BRME1: variants seen among roughly 807,000 people sequenced by gnomAD.
The protein encoded by BRME1 is break repair meiotic recombinase recruitment factor 1.
A neutral mutation model predicts 52.6 loss-of-function variants in BRME1; 31 were observed. The observed-to-expected ratio is 0.59, with a 90% CI of 0.44 to 0.80. The LOEUF (loss-of-function observed/expected upper bound fraction) is 0.80. Ranked by LOEUF, BRME1 falls within the 30% of genes least tolerant of loss-of-function variation. The pLI, the probability that BRME1 is intolerant of heterozygous loss-of-function variation, is 0.00. For synonymous variants in BRME1, 359 were observed against 353.6 expected (o/e 1.02, Z -0.17); for missense variants, 804 against 860.3 (o/e 0.93, Z 0.82).
At chr19:13,896,644 A>G (rs1301386256) in intron 2 of BRME1, among the ~76,000 whole-genome samples, 1 of 147,432 alleles carries the variant, frequency 6.8e-6, no homozygotes, top group Non-Finnish European at 1.5e-5. Flanking sequence ...ATGTATTTAT[A>G]CATACGTATT....
intron 2 of BRME1, among the ~76,000 whole-genome samples, chr19:13,899,708 C>T (rs1185867877): frequency 6.6e-6 from 1 of 152,148 alleles, no homozygotes; most frequent in Non-Finnish European, 1.5e-5. Flanking sequence ...TATAGAAACA[C>T]ATTCCTAACC....
At position 13,890,088 on chromosome 19, in the gene BRME1, C is replaced by G; in HGVS notation, c.768G>C (p.Gly256=). ...GGCCAGCCCCTGCTGTCCTTTGGGC[C>G]CCTCCCTCCTGGGGGGCTCCTCTGT... ...KPDRGAPQEG[G]AQRTAGAGLP... The change falls in exon 6 of 9, where the codon GGG becomes GGC. Residue 256 remains glycine, a synonymous_variant. Coordinates refer to ENST00000586783, the MANE Select transcript of BRME1 (RefSeq NM_001345843.2). 1 of 1,613,820 alleles carries G rather than the reference C, an allele frequency of 6.2e-7. No individual in the cohort carries two copies. The highest frequency in any genetic ancestry group is 8.5e-7 in the Non-Finnish European group (1 of 1,179,884).
chr19:13,892,178 T>C (rs1395088706), intron 5 of BRME1, among the ~76,000 whole-genome samples: 2 of 152,180 alleles, frequency 1.3e-5, no homozygotes, highest in Non-Finnish European at 2.9e-5. Flanking sequence ...CCACTGCACC[T>C]GGCCAATTGC....
At chr19:13,891,135 T>TTTTTTTTTTTATTATTATTATTA (rs59151567) in intron 5 of BRME1, among the ~76,000 whole-genome samples, 7 of 146,630 alleles carry the variant, frequency 4.8e-5, no homozygotes, top group African/African-American at 1.8e-4. Context: ...CAATTTCCTG[T>TTTTTTTTTTTATTATTATTATTA]TTATTATTAT....
rs760177608 is a variant in BRME1 at position 13,890,310 on chromosome 19, C to T, written c.546G>A (p.Ala182=). ...GCTGAGAATCCCCACTGCCGGGCACCGCCTGCACAGGGCTCTGGCTGCTCT... is the reference window on the plus strand; with the variant it reads ...GCTGAGAATCCCCACTGCCGGGCACTGCCTGCACAGGGCTCTGGCTGCTCT... ...PEQSSQSPVQ[A]VPGSGDSQPD... The change falls in exon 6 of 9, where the codon GCG becomes GCA. Residue 182 remains alanine (A), a synonymous_variant. Transcript: ENST00000586783. 1.7e-5 allele frequency: 28 copies of T among 1,607,528 alleles called. No homozygotes were observed. Among genetic ancestry groups the T allele is most frequent in the African/African-American group, 4.0e-5 (3 of 74,986 alleles).
At chr19:13,894,740 G>A (rs867990070) in intron 3 of BRME1, among the ~76,000 whole-genome samples, 1 of 151,964 alleles carries the variant, frequency 6.6e-6, no homozygotes, top group South Asian at 2.1e-4. Context: ...TTTATTGGTC[G>A]TTAGCTCACA....
In BRME1 at chr19:13,885,696, G is replaced by A. The variant is rs190544860; in HGVS notation, c.1763+265C>T. 1.3e-3 allele frequency among the ~76,000 whole-genome samples: 196 copies of A among 152,336 alleles called. 1 individual carries two copies. The highest frequency in any genetic ancestry group is 4.5e-3 in the African/African-American group (186 of 41,578). The stretch of plus-strand genomic sequence containing the variant: ...CCAGAGAGAAAGAGCCCACAGAGCC[G>A]GAGGCACTGTCCCAGGGCTCCTGGG... On this transcript the variant is annotated intron_variant, in intron 7 of 8. Coordinates refer to ENST00000586783, the MANE Select transcript of BRME1 (RefSeq NM_001345843.2).
chr19:13,883,366 T>G lies in BRME1; in HGVS notation c.1798A>C (p.Arg600=). 1.3e-6 allele frequency: 2 copies of G among 1,535,300 alleles called. No individual in the cohort carries two copies. The highest frequency in any genetic ancestry group is 1.7e-6 in the Non-Finnish European group (2 of 1,146,216). The change falls in exon 8 of 9, where the codon AGG becomes CGG. Residue 600 remains arginine, a synonymous_variant. Transcript: ENST00000586783. This position sits in a 1 kb window ranked among gnomAD's most constrained non-coding sequence, Gnocchi z 4.2. ...ACGACGTTGGTGGCATCCTCCATCC[T>G]GGAGGCCTCAGAGGCCTGGATCCCC... The part of the protein sequence containing the change: ...FVGIQASEAS[R]MEDATNVVRG...
chr19:13,898,793 C>A (rs539206402), intron 2 of BRME1, among the ~76,000 whole-genome samples: 3 of 147,494 alleles, frequency 2.0e-5, no homozygotes, highest in Non-Finnish European at 3.0e-5. Flanking sequence ...CATGGTGGCT[C>A]ATGCCTGTAA....
intron 2 of BRME1, among the ~76,000 whole-genome samples, chr19:13,896,936 G>T (rs1331520746): frequency 6.6e-6 from 1 of 151,834 alleles, no homozygotes; most frequent in African/African-American, 2.4e-5. Context: ...GCGCTCAAGT[G>T]ATCCTCTTGT....
chr19:13,882,837 T>A lies in BRME1; in HGVS notation c.1972A>T (p.Ile658Phe). ...LPYPSKGPGN[I>F]PRGDPPWREL ...CTCCAGGGTGGGTCCCCTCGAGGGA[T>A]ATTCCCAGGCCCCTTGGAAGGGTAA... is the stretch of plus-strand genomic sequence containing the variant. The change falls in exon 9 of 9, where the codon ATC (isoleucine) becomes TTC (phenylalanine). Residue 658 changes from isoleucine (I) to phenylalanine (F), a missense_variant. Ile to Phe is a conservative substitution (Grantham distance 21). Coordinates refer to ENST00000586783, the MANE Select transcript of BRME1 (RefSeq NM_001345843.2). 1 of 1,613,800 alleles carries A rather than the reference T, an allele frequency of 6.2e-7. No homozygotes were observed. Among genetic ancestry groups the A allele is most frequent in the Non-Finnish European group, 8.5e-7 (1 of 1,179,940 alleles).
chr19:13,902,601 G>T (rs895804798), intron 2 of BRME1, among the ~76,000 whole-genome samples: 2 of 147,954 alleles, frequency 1.4e-5, no homozygotes, highest in African/African-American at 5.0e-5. Context: ...GCGCCAGCCT[G>T]GGCAACAAGA....
intron 2 of BRME1, among the ~76,000 whole-genome samples, chr19:13,902,242 T>C (rs8103766): frequency 0.34 from 51,726 of 151,454 alleles, 11,949 homozygotes; most frequent in African/African-American, 0.66. Flanking sequence ...AGGAGGCTGA[T>C]GCAAGAGAAT....
Position 13,883,293 on chromosome 19 carries a change from A to G in BRME1, c.1856+15T>C. On this transcript the variant is annotated intron_variant, in intron 8 of 8. Transcript: ENST00000586783. The surrounding 1 kb of genome is among the most constrained non-coding windows in gnomAD (Gnocchi z 4.2). ...CCCGCAGACCCTGTGCCGTGAGTCC[A>G]AGCCCACCCCGTACTTCAGGTTGGA... 2.0e-6 allele frequency: 3 copies of G among 1,529,216 alleles called. No homozygotes were observed. The highest frequency in any genetic ancestry group is 2.6e-6 in the Non-Finnish European group (3 of 1,141,264). The allele number at this position is 1,529,216 out of a possible 1,614,324, so 94.7% of individuals were successfully genotyped here. A position where few individuals can be genotyped will look rare whatever the true frequency, so the allele number is the denominator to read the frequency against.
chr19:13,903,078 A>G (rs987317065), intron 2 of BRME1, among the ~76,000 whole-genome samples: 2 of 152,144 alleles, frequency 1.3e-5, no homozygotes, highest in East Asian at 3.8e-4. Flanking sequence ...TCTCTGAATT[A>G]TTTTTGCAAC....
At position 13,882,672 on chromosome 19, in the gene BRME1, C is replaced by A; in HGVS notation, c.*130G>T. 8.0e-7 allele frequency: 1 copy of A among 1,255,596 alleles called. No individual in the cohort carries two copies. Among genetic ancestry groups the A allele is most frequent in the Non-Finnish European group, 1.1e-6 (1 of 890,208 alleles). The allele number at this position is 1,255,596 out of a possible 1,614,324, so 77.8% of individuals were successfully genotyped here. A position where few individuals can be genotyped will look rare whatever the true frequency, so the allele number is the denominator to read the frequency against. On this transcript the variant is annotated 3_prime_UTR_variant, in exon 9 of 9. Coordinates refer to ENST00000586783, the MANE Select transcript of BRME1 (RefSeq NM_001345843.2). Reference sequence around the variant, plus strand: ...GACCTCACGGCCTCCTTTGTGTTGTCCATGGAAGACCAACTTCCGGGCAAC... The same window carrying A: ...GACCTCACGGCCTCCTTTGTGTTGTACATGGAAGACCAACTTCCGGGCAAC...
rs1026437176 is a variant in BRME1 at position 13,883,033 on chromosome 19, T to C, written c.1857-81A>G. ...GGGGCCGCGCCTCACAGCCACATGG[T>C]CACCAATGACTCAGGTGCACACACA... On this transcript the variant is annotated intron_variant, in intron 8 of 8. Coordinates refer to ENST00000586783, the MANE Select transcript of BRME1 (RefSeq NM_001345843.2). The surrounding 1 kb of genome is among the most constrained non-coding windows in gnomAD (Gnocchi z 4.2). 1.2e-5 allele frequency: 19 copies of C among 1,524,844 alleles called. No homozygotes were observed. Among genetic ancestry groups the C allele is most frequent in the Non-Finnish European group, 1.7e-5 (19 of 1,127,730 alleles). 94.5% of individuals were successfully genotyped at this position (1,524,844 alleles called of 1,614,324 possible).
chr19:13,887,447 TC>T, intron 6 of BRME1, among the ~76,000 whole-genome samples: 1 of 152,186 alleles, frequency 6.6e-6, no homozygotes, highest in East Asian at 1.9e-4. Flanking sequence ...TCTGTCTGGA[TC>T]CCCCCAAGTC....
Position 13,883,070 on chromosome 19 carries a change from C to T in BRME1, c.1857-118G>A, listed in dbSNP as rs1016200716. 1.8e-5 allele frequency: 24 copies of T among 1,309,540 alleles called. No individual in the cohort carries two copies. The highest frequency in any genetic ancestry group is 4.3e-5 in the Admixed American group (2 of 46,440). The allele number at this position is 1,309,540 out of a possible 1,614,324, so 81.1% of individuals were successfully genotyped here. A position where few individuals can be genotyped will look rare whatever the true frequency, so the allele number is the denominator to read the frequency against. On this transcript the variant is annotated intron_variant, in intron 8 of 8. Transcript: ENST00000586783. The surrounding 1 kb of genome is among the most constrained non-coding windows in gnomAD (Gnocchi z 4.2). Reference sequence around the variant, plus strand: ...CAGGTGCACACACACGGCTCACACACGTGCACATAACCAGAAAGGGCCTGT... The same window carrying T: ...CAGGTGCACACACACGGCTCACACATGTGCACATAACCAGAAAGGGCCTGT...
Sources: gnomAD v4.1 joint callset for allele counts (sites outside exome capture counted in the v4.1 genomes callset) on GRCh38, gnomAD v4.1.1 for gene constraint, Gnocchi (gnomAD v3.1) non-coding constraint, MANE v1.5 for transcripts, NCBI Gene and HGNC (gene_info 2026-07-23, HGNC 2026-07-21) for gene names.